C16orf78: variants seen among roughly 807,000 people sequenced by gnomAD.
C16orf78 encodes the protein uncharacterized protein C16orf78.
A neutral mutation model predicts 27.3 loss-of-function variants in C16orf78; 19 were observed. The observed-to-expected ratio is 0.70, with a 90% confidence interval of 0.49 to 1.02. The LOEUF is 1.02. Ranked by LOEUF, C16orf78 falls within the 50% of genes least tolerant of loss-of-function variation. The pLI is 0.00. For synonymous variants in C16orf78, 130 were observed against 116.1 expected, an observed-to-expected ratio of 1.12 and a Z score of -0.77; for missense variants, 339 against 337.0, an observed-to-expected ratio of 1.01 and a Z score of -0.05.
intron 3 of C16orf78, among the ~76,000 whole-genome samples, chr16:49,394,383 C>G (rs930424092): frequency 2.0e-5 from 3 of 151,846 alleles, no homozygotes; most frequent in African/African-American, 7.3e-5. Flanking sequence ...GGCTTTATTA[C>G]AGCAGGTGAG....
intron 3 of C16orf78, among the ~76,000 whole-genome samples, chr16:49,392,100 T>G (rs1965419653): frequency 6.6e-6 from 1 of 152,174 alleles, no homozygotes; most frequent in Non-Finnish European, 1.5e-5. Context: ...GCATTTCCAC[T>G]AGGAATATCC....
Position 49,399,263 on chromosome 16 carries a change from C to T in C16orf78, c.783C>T (p.Pro261=). ...IDAKKVFTGI[P]SMAL is the part of the protein sequence containing the mutation. ...CTAAAAAGGTGTTCACCGGAATACC[C>T]AGCATGGCCCTCTAAATAGCTCCTC... The change falls in exon 5 of 5, where the codon CCC becomes CCT. Residue 261 remains proline, a synonymous_variant. Transcript: ENST00000299191. 6.2e-7 allele frequency: 1 copy of T among 1,614,150 alleles called. No individual in the cohort carries two copies. Among genetic ancestry groups the T allele is most frequent in the Non-Finnish European group, 8.5e-7 (1 of 1,180,020 alleles).
chr16:49,392,521 A>G (rs1965425755), intron 3 of C16orf78, among the ~76,000 whole-genome samples: 1 of 152,262 alleles, frequency 6.6e-6, no homozygotes, highest in African/African-American at 2.4e-5. Flanking sequence ...AGGCTAAAAG[A>G]AACACATAGA....
At chr16:49,396,276 C>A (rs1025024652) in intron 3 of C16orf78, 147 bp from the exon 4 acceptor site, 76 of 859,936 alleles carry the variant, frequency 8.8e-5, no homozygotes, top group Non-Finnish European at 1.2e-4. Flanking sequence ...GTATAGAGAA[C>A]CTGTGGAAGC....
intron 1 of C16orf78, 127 bp from the exon 2 acceptor site, chr16:49,377,604 A>C: frequency 8.2e-7 from 1 of 1,214,032 alleles, no homozygotes; most frequent in African/African-American, 1.5e-5. Flanking sequence ...CAGGCCCTAG[A>C]GTGTGTGTGC....
At chr16:49,383,408 T>C (rs1194091011) in intron 3 of C16orf78, among the ~76,000 whole-genome samples, 3 of 152,306 alleles carry the variant, frequency 2.0e-5, no homozygotes, top group East Asian at 1.9e-4. Context: ...TCAAAGCACA[T>C]CCCGATTGCA....
intron 3 of C16orf78, among the ~76,000 whole-genome samples, chr16:49,393,895 G>A (rs1479570116): frequency 2.0e-5 from 3 of 151,984 alleles, no homozygotes; most frequent in South Asian, 2.1e-4. Flanking sequence ...GATTTTATGT[G>A]AGAAAGGATG....
At chr16:49,390,578 A>G (rs145522848) in intron 3 of C16orf78, among the ~76,000 whole-genome samples, 29 of 152,262 alleles carry the variant, frequency 1.9e-4, no homozygotes, top group African/African-American at 6.7e-4. Context: ...GTCATTTTAA[A>G]TCTTCTGTGT....
intron 3 of C16orf78, among the ~76,000 whole-genome samples, chr16:49,389,425 C>CAAA (rs34759541): frequency 2.1e-5 from 3 of 141,106 alleles, no homozygotes; most frequent in African/African-American, 7.8e-5. Flanking sequence ...GACTCCATCT[C>CAAA]AAAAAAAAAA....
chr16:49,374,783 C>T (rs904134510), intron 1 of C16orf78, among the ~76,000 whole-genome samples: 9 of 152,198 alleles, frequency 5.9e-5, no homozygotes, highest in African/African-American at 1.9e-4. Context: ...CCCACCCTTT[C>T]CTCTTTCTCC....
chr16:49,384,961 T>C (rs1286451229), intron 3 of C16orf78, among the ~76,000 whole-genome samples: 1 of 152,148 alleles, frequency 6.6e-6, no homozygotes, highest in East Asian at 1.9e-4. Flanking sequence ...CTTTTAGAAA[T>C]AAGAGGAAAG....
intron 3 of C16orf78, among the ~76,000 whole-genome samples, chr16:49,384,009 T>C (rs1039452560): frequency 2.6e-5 from 4 of 152,064 alleles, no homozygotes; most frequent in Non-Finnish European, 5.9e-5. Context: ...AGGAAAACAA[T>C]ATTTGGACAA....
intron 3 of C16orf78, among the ~76,000 whole-genome samples, chr16:49,395,189 G>T (rs780231112): frequency 6.6e-6 from 1 of 152,076 alleles, no homozygotes; most frequent in Non-Finnish European, 1.5e-5. Flanking sequence ...GAGCCAGCAT[G>T]CCCAGCTGAC....
Position 49,397,321 on chromosome 16 carries a change from T to C in C16orf78, c.650+643T>C, listed in dbSNP as rs150484455. 5.5e-3 allele frequency among the ~76,000 whole-genome samples: 832 copies of C among 152,334 alleles called. 7 individuals are homozygous for C. The highest frequency in any genetic ancestry group is 0.011 in the Admixed American group (167 of 15,302). On this transcript the variant is annotated intron_variant, in intron 4 of 4. Coordinates refer to ENST00000299191, the MANE Select transcript of C16orf78 (RefSeq NM_144602.4). ...TGTAACTGACAAAGTTCAGAAACTT[T>C]AGCAAATAAGGAAACAAAACAACAG...
Position 49,399,330 on chromosome 16 carries a change from C to T in C16orf78, c.*52C>T, listed in dbSNP as rs778744316. On this transcript the variant is annotated 3_prime_UTR_variant, in exon 5 of 5. Transcript: ENST00000299191. The stretch of plus-strand genomic sequence containing the variant: ...GCTCCTTCTGTCATGGGACCCTTCA[C>T]CTCCAGATGCCATCCTCTGGCACAC... The T allele has an allele frequency of 6.9e-6, 11 of 1,593,214 alleles. No homozygotes were observed. The Admixed American group carries it at 1.9e-4, about 27-fold the overall frequency.
At chr16:49,395,161 T>A (rs1468353571) in intron 3 of C16orf78, among the ~76,000 whole-genome samples, 1 of 152,194 alleles carries the variant, frequency 6.6e-6, no homozygotes, top group African/African-American at 2.4e-5. Context: ...CCTCTCAAAG[T>A]GCTGGGATTA....
intron 3 of C16orf78, among the ~76,000 whole-genome samples, chr16:49,386,666 T>G (rs1164567531): frequency 6.6e-6 from 1 of 152,198 alleles, no homozygotes; most frequent in Non-Finnish European, 1.5e-5. Flanking sequence ...TTCTCATCAT[T>G]TGTCTCCCAC....
At chr16:49,384,720 A>G (rs1289150097) in intron 3 of C16orf78, among the ~76,000 whole-genome samples, 3 of 152,210 alleles carry the variant, frequency 2.0e-5, no homozygotes, top group Non-Finnish European at 2.9e-5. Flanking sequence ...GTTGAACACA[A>G]AAAGGTCTGT....
Position 49,378,611 on chromosome 16 carries a change from GCCCCGGCCA to G in C16orf78, c.394+21_394+29del, listed in dbSNP as rs757448859. ...GAAATCTGGTAAGGGAAAAACCTTG[GCCCCGGCCA>G]CCAGAATCCTGCTCCATAATCTCCT... On this transcript the variant is annotated intron_variant, in intron 3 of 4. Transcript: ENST00000299191. The G allele has an allele frequency of 1.3e-3, 2,045 of 1,613,318 alleles. 4 individuals carry two copies. The highest frequency in any genetic ancestry group is 1.6e-3 in the South Asian group (141 of 90,920).
Sources: allele counts gnomAD v4.1 joint callset (sites outside exome capture counted in the v4.1 genomes callset), GRCh38; gene constraint gnomAD v4.1.1; transcripts MANE v1.5; gene names NCBI Gene and HGNC (gene_info 2026-07-23, HGNC 2026-07-21).